The following CBLB variants were observed in gnomAD, a reference collection of about 807,000 sequenced individuals.
The protein encoded by CBLB is E3 ubiquitin-protein ligase CBL-B.
A neutral mutation model predicts 104.9 loss-of-function variants in CBLB; 31 were observed. That is an observed-to-expected ratio of 0.30 (90% CI 0.22 to 0.40). The LOEUF (loss-of-function observed/expected upper bound fraction) is 0.40. Among genes scored for constraint, CBLB ranks in the 10% least tolerant of loss-of-function variants. The pLI is 1.00. For synonymous variants in CBLB, 440 were observed against 422.6 expected, an observed-to-expected ratio of 1.04 and a Z score of -0.51; for missense variants, 1,062 against 1,214.6, an observed-to-expected ratio of 0.87 and a Z score of 1.87.
At chr3:105,746,796 A>G (rs1017721983) in intron 5 of CBLB, among the ~76,000 whole-genome samples, 6 of 152,246 alleles carry the variant, frequency 3.9e-5, no homozygotes, top group East Asian at 1.9e-4. Context: ...CATAAGCTAC[A>G]TAAGGGCAAG....
intron 3 of CBLB, among the ~76,000 whole-genome samples, chr3:105,828,217 C>T (rs1404740269): frequency 1.3e-5 from 2 of 152,200 alleles, no homozygotes; most frequent in Non-Finnish European, 2.9e-5. Context: ...AGAAGCTGCA[C>T]AGCTCACTTC....
chr3:105,869,057 C>CGGGGCG (rs1706719754), upstream of CBLB: 3 of 288,810 alleles, frequency 1.0e-5, no homozygotes, highest in Admixed American at 5.7e-5. Context: ...CGGGGCGGGG[C>CGGGGCG]GGGGCGGGGG....
intron 12 of CBLB, among the ~76,000 whole-genome samples, chr3:105,695,303 A>G (rs1349844025): frequency 2.6e-5 from 4 of 151,880 alleles, no homozygotes; most frequent in Non-Finnish European, 5.9e-5. Flanking sequence ...ATTTAACAAT[A>G]AACCAACTAT....
rs2063301012 is a variant in CBLB at position 105,655,783 on chromosome 3, A to AT, written c.*3186dup. On this transcript the variant is annotated 3_prime_UTR_variant, in exon 19 of 19. Transcript: ENST00000394030. ...CTGTTAGCTGAAGAGAGAAACTAAA[A>AT]TTTTATCCAAGTTAATTCAGTGCAA... is the stretch of plus-strand genomic sequence containing the variant. 4.7e-6 allele frequency: 1 copy of AT among 211,230 alleles called. No homozygotes were observed. The highest frequency in any genetic ancestry group is 9.6e-6 in the Non-Finnish European group (1 of 104,162). 13.1% of individuals were successfully genotyped at this position (211,230 alleles called of 1,614,324 possible). A position where few individuals can be genotyped will look rare whatever the true frequency, so the allele number is the denominator to read the frequency against.
chr3:105,817,179 G>A (rs1047732944), intron 3 of CBLB, among the ~76,000 whole-genome samples: 1 of 152,158 alleles, frequency 6.6e-6, no homozygotes, highest in African/African-American at 2.4e-5. Context: ...TGCAAGAAAA[G>A]CAAATGCCCA....
At chr3:105,696,009 C>T (rs1012485577) in intron 12 of CBLB, among the ~76,000 whole-genome samples, 1 of 151,446 alleles carries the variant, frequency 6.6e-6, no homozygotes, top group Admixed American at 6.6e-5. Context: ...TACTGAAATA[C>T]TCTCAGCAAA....
rs770878201 is a variant in CBLB at position 105,702,044 on chromosome 3, A to G, written c.1959+50T>C. The G allele has an allele frequency of 6.2e-6, 10 of 1,610,308 alleles. No homozygotes were observed. In the South Asian group the frequency reaches 1.1e-4, roughly 18 times the overall value. The stretch of plus-strand genomic sequence containing the variant: ...CCAACCTTTTATGCTACTGACCATC[A>G]GAAGCATTTATAAGCAGATTCTCTA... On this transcript the variant is annotated intron_variant, in intron 12 of 18. Transcript: ENST00000394030.
intron 3 of CBLB, among the ~76,000 whole-genome samples, chr3:105,780,851 A>T (rs1048669793): frequency 1.3e-5 from 2 of 151,542 alleles, no homozygotes. Flanking sequence ...TTTAGTAGAG[A>T]CAGGGTTTCA....
intron 18 of CBLB, among the ~76,000 whole-genome samples, chr3:105,661,723 A>G (rs955301375): frequency 6.6e-6 from 1 of 152,178 alleles, no homozygotes; most frequent in African/African-American, 2.4e-5. Flanking sequence ...TGAATCTTAA[A>G]TCTCAGTTTG....
intron 3 of CBLB, among the ~76,000 whole-genome samples, chr3:105,843,404 T>A (rs1303411654): frequency 1.3e-5 from 2 of 152,170 alleles, no homozygotes; most frequent in Non-Finnish European, 1.5e-5. Flanking sequence ...TAGGGAAAAG[T>A]TTATAAACAG....
At chr3:105,810,278 A>G in intron 3 of CBLB, among the ~76,000 whole-genome samples, 1 of 152,158 alleles carries the variant, frequency 6.6e-6, no homozygotes, top group East Asian at 1.9e-4. Context: ...AATTGCATTT[A>G]CTATAGCATG....
chr3:105,684,343 C>T (rs1430478284), intron 14 of CBLB, among the ~76,000 whole-genome samples: 1 of 152,016 alleles, frequency 6.6e-6, no homozygotes, highest in African/African-American at 2.4e-5. Context: ...ACAAACAAAC[C>T]CAGAAATAAT....
chr3:105,759,952 G>A (rs1446451273), intron 4 of CBLB, among the ~76,000 whole-genome samples: 2 of 152,190 alleles, frequency 1.3e-5, no homozygotes, highest in African/African-American at 2.4e-5. Context: ...ACTCCAGATG[G>A]GCAGCTGGGG....
intron 9 of CBLB, among the ~76,000 whole-genome samples, chr3:105,722,906 C>T (rs940425978): frequency 1.3e-5 from 2 of 152,150 alleles, no homozygotes; most frequent in African/African-American, 4.8e-5. Flanking sequence ...ATACAAATTA[C>T]TGATGTTGTT....
chr3:105,869,298 G>C, upstream of CBLB: 1 of 1,068,770 alleles, frequency 9.4e-7, no homozygotes, highest in Non-Finnish European at 1.3e-6. Flanking sequence ...AAACGGGAAA[G>C]GAAATGGACG....
At chr3:105,715,594 A>T (rs537823329) in intron 10 of CBLB, among the ~76,000 whole-genome samples, 34 of 152,338 alleles carry the variant, frequency 2.2e-4, no homozygotes, top group African/African-American at 7.9e-4. Context: ...ACAGGAAGAA[A>T]CAATTTCACA....
At position 105,740,961 on chromosome 3, in the gene CBLB, A is replaced by C. The variant is rs551406875; in HGVS notation, c.846-330T>G. ...ATGGCATGGAATAGCTACAAAATAA[A>C]TCACTCTTGGAATGTAAAAATAAAA... is the stretch of plus-strand genomic sequence containing the variant. On this transcript the variant is annotated intron_variant, in intron 6 of 18. Coordinates refer to ENST00000394030, the MANE Select transcript of CBLB (RefSeq NM_170662.5). 1.2e-4 allele frequency among the ~76,000 whole-genome samples: 19 copies of C among 152,292 alleles called. 1 individual carries two copies. The highest frequency in any genetic ancestry group is 2.2e-4 in the African/African-American group (9 of 41,564).
At chr3:105,843,865 C>A (rs1003613517) in intron 3 of CBLB, among the ~76,000 whole-genome samples, 1 of 152,158 alleles carries the variant, frequency 6.6e-6, no homozygotes, top group Non-Finnish European at 1.5e-5. Context: ...TTCTTCCCCT[C>A]CTTAGTATAA....
intron 2 of CBLB, among the ~76,000 whole-genome samples, chr3:105,860,205 C>A (rs78256739): frequency 0.022 from 3,390 of 152,246 alleles, 121 homozygotes; most frequent in African/African-American, 0.076. Flanking sequence ...AGATGTGCAA[C>A]AAATATTTGA....
Sources: gnomAD v4.1 joint callset for allele counts (sites outside exome capture counted in the v4.1 genomes callset) on GRCh38, gnomAD v4.1.1 for gene constraint, MANE v1.5 for transcripts, NCBI Gene and HGNC (gene_info 2026-07-23, HGNC 2026-07-21) for gene names.